SLC25A28: variants seen among roughly 807,000 people sequenced by gnomAD.
The protein encoded by SLC25A28 is solute carrier family 25 member 28, also known as mitoferrin-2.
In SLC25A28, 10 loss-of-function variants were observed where a neutral mutation model predicts 31.9. The ratio of observed to expected loss-of-function variants is 0.31; its 90% CI spans 0.19 to 0.53. The LOEUF (loss-of-function observed/expected upper bound fraction) is 0.53, where lower values mean the gene tolerates loss of function less well. Among genes scored for constraint, SLC25A28 ranks in the 20% least tolerant of loss-of-function variants. The pLI is 0.95. For synonymous variants in SLC25A28, 208 were observed against 203.6 expected, an observed-to-expected ratio of 1.02 and a Z score of -0.19; for missense variants, 256 against 490.3, an observed-to-expected ratio of 0.52 and a Z score of 4.51.
chr10:99,631,502 C>T, the SLC25A28 span, among the ~76,000 whole-genome samples: 1 of 152,002 alleles, frequency 6.6e-6, no homozygotes, highest in South Asian at 2.1e-4. Context: ...CTCTGATCTG[C>T]CTGACTTCAG....
At chr10:99,621,088 A>G, upstream of SLC25A28, 1 of 650,412 alleles carries the variant, frequency 1.5e-6, no homozygotes. Flanking sequence ...GGCTGGCGCG[A>G]CCCGCAGCCT....
chr10:99,618,547 CTT>C, intron 1 of SLC25A28: 1 of 985,330 alleles, frequency 1.0e-6, no homozygotes, highest in Non-Finnish European at 1.2e-6. Context: ...ATGTGTGCAT[CTT>C]TTTTATTTAT....
chr10:99,644,575 G>T, the SLC25A28 span, among the ~76,000 whole-genome samples: 2 of 152,172 alleles, frequency 1.3e-5, no homozygotes, highest in African/African-American at 4.8e-5. Flanking sequence ...ATATTGTTAT[G>T]TGTGAATTTG....
At chr10:99,624,060 CCTTCCTTCTCTTT>C (rs1438920583), upstream of SLC25A28, among the ~76,000 whole-genome samples, 1 of 151,300 alleles carries the variant, frequency 6.6e-6, no homozygotes, top group Admixed American at 6.6e-5. Flanking sequence ...TCCCTCCCTT[CCTTCCTTCTCTTT>C]CTTCCTTCCT....
intron 1 of SLC25A28, chr10:99,619,416 G>C (rs1049085760): frequency 3.0e-5 from 30 of 985,310 alleles, no homozygotes; most frequent in Middle Eastern, 1.0e-3. Context: ...AAATAGGTGG[G>C]GTATCATGCT....
At chr10:99,649,380 A>G in the SLC25A28 span, among the ~76,000 whole-genome samples, 2 of 152,134 alleles carry the variant, frequency 1.3e-5, no homozygotes, top group Non-Finnish European at 2.9e-5. Context: ...TTTTTGCATC[A>G]ATGTTCATCA....
Position 99,620,397 on chromosome 10 carries a change from C to G in SLC25A28, c.-62G>C, listed in dbSNP as rs1005653305. On this transcript the variant is annotated 5_prime_UTR_variant, in exon 1 of 4. Transcript: ENST00000370495. Reference sequence around the variant, plus strand: ...GCTGCCACCACTGCCGCCGCCGCCCCCCGGCCCCGTAGTGTCCGCCTCAGG... The same window carrying G: ...GCTGCCACCACTGCCGCCGCCGCCCGCCGGCCCCGTAGTGTCCGCCTCAGG... The G allele has an allele frequency of 9.4e-7, 1 of 1,068,910 alleles. No homozygotes were observed. Among genetic ancestry groups the G allele is most frequent in the East Asian group, 7.0e-5 (1 of 14,300 alleles). 66.2% of individuals were successfully genotyped at this position (1,068,910 alleles called of 1,614,324 possible). A position where few individuals can be genotyped will look rare whatever the true frequency, so the allele number is the denominator to read the frequency against.
rs765441609 is a variant in SLC25A28 at position 99,611,400 on chromosome 10, A to G, written c.578-34T>C. ...GCCATCAACGAGGAAGGAAATGGTG[A>G]CAGCAGCCAACCGGTGATGGAGAGT... On this transcript the variant is annotated intron_variant, in intron 3 of 3. Coordinates refer to ENST00000370495, the MANE Select transcript of SLC25A28 (RefSeq NM_031212.4). The surrounding 1 kb of genome is among the most constrained non-coding windows in gnomAD (Gnocchi z 5.5). 5.5e-5 allele frequency: 89 copies of G among 1,606,308 alleles called. No individual in the cohort carries two copies. Among genetic ancestry groups the G allele is most frequent in the Middle Eastern group, 1.7e-4 (1 of 5,908 alleles).
intron 1 of SLC25A28, among the ~76,000 whole-genome samples, chr10:99,619,721 A>G (rs2034738849): frequency 6.6e-6 from 1 of 152,240 alleles, no homozygotes; most frequent in Non-Finnish European, 1.5e-5. Context: ...AGTTAGTAGC[A>G]CTTACCTGAG....
chr10:99,620,443 G>A (rs1371519388), upstream of SLC25A28: 21 of 1,046,052 alleles, frequency 2.0e-5, no homozygotes, highest in Non-Finnish European at 2.2e-5. Context: ...AGAGCCCGGG[G>A]CCTCCGGCTC....
At chr10:99,626,276 A>G in the SLC25A28 span, among the ~76,000 whole-genome samples, 1 of 152,236 alleles carries the variant, frequency 6.6e-6, no homozygotes. Context: ...AGAACATAAG[A>G]GCTACAGGAA....
At chr10:99,625,898 T>A in the SLC25A28 span, among the ~76,000 whole-genome samples, 1 of 152,216 alleles carries the variant, frequency 6.6e-6, no homozygotes, top group Non-Finnish European at 1.5e-5. Flanking sequence ...GAAACCTGTG[T>A]CCTTAACACC....
At chr10:99,622,663 A>G (rs2034818640), upstream of SLC25A28, 1 of 985,092 alleles carries the variant, frequency 1.0e-6, no homozygotes. Context: ...TTCAGAAACC[A>G]CTCTACCTTT....
intron 1 of SLC25A28, chr10:99,618,382 C>T: frequency 1.0e-6 from 1 of 985,346 alleles, no homozygotes; most frequent in Non-Finnish European, 1.2e-6. Context: ...GATCTGTTTT[C>T]CATTCAATAC....
chr10:99,628,913 A>T, the SLC25A28 span, among the ~76,000 whole-genome samples: 1 of 152,252 alleles, frequency 6.6e-6, no homozygotes. Flanking sequence ...TGGAACCCTC[A>T]TACATTGCTG....
At chr10:99,625,805 C>T in the SLC25A28 span, among the ~76,000 whole-genome samples, 1 of 152,200 alleles carries the variant, frequency 6.6e-6, no homozygotes, top group Non-Finnish European at 1.5e-5. Flanking sequence ...CCCTTCTCGT[C>T]AGAACACAGA....
At position 99,611,080 on chromosome 10, in the gene SLC25A28, C is replaced by T; in HGVS notation, c.864G>A (p.Leu288=). The change falls in exon 4 of 4, where the codon CTG becomes CTA. Residue 288 remains leucine (L), a synonymous_variant. Coordinates refer to ENST00000370495, the MANE Select transcript of SLC25A28 (RefSeq NM_031212.4). This position sits in a 1 kb window ranked among gnomAD's most constrained non-coding sequence, Gnocchi z 5.5. Reference sequence around the variant, plus strand: ...AAGCCAAGGACTCCTGGGTGTTGAGCAGTGTTTTGCAAACGTCCAGTGGGG... The same window carrying T: ...AAGCCAAGGACTCCTGGGTGTTGAGTAGTGTTTTGCAAACGTCCAGTGGGG... ...ATTPLDVCKT[L]LNTQESLALN... 1.2e-6 allele frequency: 2 copies of T among 1,614,150 alleles called. No individual in the cohort carries two copies. Among genetic ancestry groups the T allele is most frequent in the Non-Finnish European group, 1.7e-6 (2 of 1,180,034 alleles).
At chr10:99,628,912 C>T in the SLC25A28 span, among the ~76,000 whole-genome samples, 8 of 152,202 alleles carry the variant, frequency 5.3e-5, no homozygotes, top group African/African-American at 1.9e-4. Flanking sequence ...TTGGAACCCT[C>T]ATACATTGCT....
the SLC25A28 span, among the ~76,000 whole-genome samples, chr10:99,639,214 C>T: frequency 6.6e-6 from 1 of 151,832 alleles, no homozygotes; most frequent in East Asian, 1.9e-4. Flanking sequence ...GACCATTATT[C>T]TAAGTGAGGG....
Sources: allele counts gnomAD v4.1 joint callset (sites outside exome capture counted in the v4.1 genomes callset), GRCh38; gene constraint gnomAD v4.1.1; non-coding constraint Gnocchi (gnomAD v3.1); transcripts MANE v1.5; gene names NCBI Gene and HGNC (gene_info 2026-07-23, HGNC 2026-07-21).